The following TMTC2 variants were observed in gnomAD, a reference collection of about 807,000 sequenced individuals.
The protein encoded by TMTC2 is protein O-mannosyl-transferase TMTC2.
In TMTC2, 43 loss-of-function variants were observed where a neutral mutation model predicts 82.4. That is an observed-to-expected ratio of 0.52 (90% confidence interval 0.41 to 0.67). The LOEUF (loss-of-function observed/expected upper bound fraction) is 0.67, where lower values mean the gene tolerates loss of function less well. Among genes scored for constraint, TMTC2 ranks in the 30% least tolerant of loss-of-function variants. TMTC2 has a pLI of 0.00. For missense variants in TMTC2, 919 were observed against 1,012.4 expected (o/e 0.91, Z 1.25); for synonymous variants, 408 against 381.9 (o/e 1.07, Z -0.80).
chr12:82,718,812 G>T (rs372063075), intron 1 of TMTC2, among the ~76,000 whole-genome samples: 15,385 of 151,842 alleles, frequency 0.1, 896 homozygotes, highest in East Asian at 0.23. Context: ...TATACCATAG[G>T]AAAATAGGAA....
intron 1 of TMTC2, among the ~76,000 whole-genome samples, chr12:82,795,914 A>C (rs1237239360): frequency 1.3e-5 from 2 of 152,212 alleles, no homozygotes; most frequent in South Asian, 2.1e-4. Context: ...CTAAGATAAC[A>C]GTGGAGAACA....
chr12:83,020,024 G>T (rs548324672), intron 8 of TMTC2, among the ~76,000 whole-genome samples: 1 of 152,090 alleles, frequency 6.6e-6, no homozygotes. Context: ...CCTCTACTTA[G>T]AATACTTTTG....
At chr12:82,782,894 A>G (rs1290732993) in intron 1 of TMTC2, among the ~76,000 whole-genome samples, 1 of 152,270 alleles carries the variant, frequency 6.6e-6, no homozygotes, top group South Asian at 2.1e-4. Context: ...AAATTATTGA[A>G]TGTTCCTTTT....
chr12:83,001,672 G>T (rs575842535), intron 8 of TMTC2, among the ~76,000 whole-genome samples: 1 of 148,542 alleles, frequency 6.7e-6, no homozygotes, highest in Non-Finnish European at 1.5e-5. Flanking sequence ...AAAAAGTAAT[G>T]TCTTCCACCA....
chr12:82,930,572 G>C (rs767944464), intron 4 of TMTC2, 27 bp downstream of exon 4: 3 of 1,496,524 alleles, frequency 2.0e-6, no homozygotes, highest in Non-Finnish European at 2.8e-6. Context: ...TCTCTGGTTT[G>C]GTTCGTCTTT....
At chr12:83,034,302 T>A (rs1224770218) in intron 9 of TMTC2, among the ~76,000 whole-genome samples, 1 of 152,092 alleles carries the variant, frequency 6.6e-6, no homozygotes, top group Non-Finnish European at 1.5e-5. Context: ...AAGGGCTACG[T>A]TCATACAGAA....
At chr12:82,732,640 G>A (rs1392431306) in intron 1 of TMTC2, among the ~76,000 whole-genome samples, 2 of 152,182 alleles carry the variant, frequency 1.3e-5, no homozygotes, top group Non-Finnish European at 2.9e-5. Context: ...ACCGCACACA[G>A]CTGGTTCTCA....
chr12:82,990,906 T>C (rs1304276875), intron 8 of TMTC2, among the ~76,000 whole-genome samples: 4 of 152,084 alleles, frequency 2.6e-5, no homozygotes, highest in Non-Finnish European at 5.9e-5. Context: ...GCTTTAATCC[T>C]CAGTGATCTG....
chr12:82,739,660 C>T (rs967487907), intron 1 of TMTC2, among the ~76,000 whole-genome samples: 3 of 150,872 alleles, frequency 2.0e-5, no homozygotes, highest in African/African-American at 7.3e-5. Context: ...AGACATTTTA[C>T]AATCATTGGT....
chr12:82,991,952 A>G (rs1253883420), intron 8 of TMTC2, among the ~76,000 whole-genome samples: 5 of 152,324 alleles, frequency 3.3e-5, no homozygotes, highest in African/African-American at 1.2e-4. Context: ...AAATTGTAGT[A>G]AAAGTTACTT....
At chr12:83,063,374 A>G (rs1483177585) in intron 11 of TMTC2, among the ~76,000 whole-genome samples, 1 of 151,796 alleles carries the variant, frequency 6.6e-6, no homozygotes, top group Non-Finnish European at 1.5e-5. Context: ...CTGTCACATT[A>G]ATTATGAGAT....
intron 1 of TMTC2, among the ~76,000 whole-genome samples, chr12:82,710,574 C>A (rs564504660): frequency 1.3e-5 from 2 of 152,072 alleles, no homozygotes; most frequent in African/African-American, 4.8e-5. Context: ...ATGATCATTA[C>A]GAACATGATA....
At chr12:82,868,735 A>G (rs1872009969) in intron 2 of TMTC2, among the ~76,000 whole-genome samples, 1 of 146,342 alleles carries the variant, frequency 6.8e-6, no homozygotes, top group Non-Finnish European at 1.5e-5. Context: ...GGGAGGCACT[A>G]TTATCATCTA....
chr12:82,912,436 G>C (rs776651491), intron 3 of TMTC2, among the ~76,000 whole-genome samples: 1 of 152,150 alleles, frequency 6.6e-6, no homozygotes, highest in Non-Finnish European at 1.5e-5. Flanking sequence ...GGATAAGAGA[G>C]TAAATATCTC....
chr12:82,715,132 A>G (rs1873832565), intron 1 of TMTC2, among the ~76,000 whole-genome samples: 1 of 151,986 alleles, frequency 6.6e-6, no homozygotes, highest in Non-Finnish European at 1.5e-5. Flanking sequence ...TTAACCAGGC[A>G]TGGTGGCGGG....
In TMTC2 at chr12:82,985,928, A is replaced by C. The variant is rs949555515; in HGVS notation, c.1952A>C (p.Glu651Ala). 2 of 1,612,924 alleles carry C rather than the reference A, an allele frequency of 1.2e-6. No homozygotes were observed. Among genetic ancestry groups the C allele is most frequent in the African/African-American group, 2.7e-5 (2 of 74,880 alleles). Residue 651 changes from glutamate to alanine, a missense_variant, in exon 8 of 12, where the codon GAA becomes GCA. Physicochemically the swap from Glu to Ala is moderately radical, Grantham distance 107. Transcript: ENST00000321196. ...APQSLYNMMG[E>A]AYMRLSKLPE... Reference sequence around the variant, plus strand: ...TCATGATTAATTCTCTTTCCAGGTGAAGCATATATGCGTTTAAGCAAACTC... The same window carrying C: ...TCATGATTAATTCTCTTTCCAGGTGCAGCATATATGCGTTTAAGCAAACTC...
intron 3 of TMTC2, among the ~76,000 whole-genome samples, chr12:82,924,070 G>A (rs1361619964): frequency 5.9e-5 from 9 of 152,174 alleles, no homozygotes; most frequent in Non-Finnish European, 1.3e-4. Context: ...GATTTGAGAA[G>A]GAATTGTTTT....
At chr12:83,054,715 A>G (rs1158613592) in intron 10 of TMTC2, among the ~76,000 whole-genome samples, 1 of 151,576 alleles carries the variant, frequency 6.6e-6, no homozygotes, top group Non-Finnish European at 1.5e-5. Flanking sequence ...TGCTATATAT[A>G]ATTTTATTTG....
chr12:82,982,082 A>G (rs1878944001), intron 7 of TMTC2, among the ~76,000 whole-genome samples: 2 of 151,564 alleles, frequency 1.3e-5, no homozygotes, highest in Admixed American at 1.3e-4. Flanking sequence ...GTAAAATGAG[A>G]CTGATAATAA....
Sources: allele counts gnomAD v4.1 joint callset (sites outside exome capture counted in the v4.1 genomes callset), GRCh38; gene constraint gnomAD v4.1.1; transcripts MANE v1.5; gene names NCBI Gene and HGNC (gene_info 2026-07-23, HGNC 2026-07-21).